TTC7A: variants seen among roughly 807,000 people sequenced by gnomAD.
TTC7A encodes tetratricopeptide repeat domain 7A, also known as tetratricopeptide repeat protein 7A.
A neutral mutation model predicts 103.7 loss-of-function variants in TTC7A; 110 were observed. The ratio of observed to expected loss-of-function variants is 1.06; its 90% CI spans 0.91 to 1.24. The LOEUF is 1.24. Ranked by LOEUF, TTC7A falls within the 50% of genes most tolerant of loss-of-function variation. The pLI is 0.00. For missense variants in TTC7A, 1,340 were observed against 1,116.3 expected (o/e 1.20, Z -2.86); for synonymous variants, 521 against 467.9 (o/e 1.11, Z -1.47).
chr2:46,917,734 A>G (rs1277483140), intron 2 of TTC7A, among the ~76,000 whole-genome samples: 2 of 152,140 alleles, frequency 1.3e-5, no homozygotes, highest in South Asian at 4.1e-4. Context: ...TGAAACTGCA[A>G]TCTCCATGCA....
intron 5 of TTC7A, among the ~76,000 whole-genome samples, chr2:46,980,570 G>A (rs1321583100): frequency 2.0e-5 from 3 of 152,020 alleles, no homozygotes; most frequent in East Asian, 1.9e-4. Flanking sequence ...GGTTTTTTCC[G>A]CGACTCACAA....
chr2:46,926,894 A>T (rs1355022167), intron 2 of TTC7A, among the ~76,000 whole-genome samples: 1 of 152,240 alleles, frequency 6.6e-6, no homozygotes, highest in Non-Finnish European at 1.5e-5. Flanking sequence ...AAATTTTCAC[A>T]TGGGAGCTAA....
At chr2:46,937,809 A>G (rs1300861499), upstream of TTC7A, among the ~76,000 whole-genome samples, 1 of 152,234 alleles carries the variant, frequency 6.6e-6, no homozygotes, top group Admixed American at 6.5e-5. The surrounding 1 kb of genome is among the most constrained non-coding windows in gnomAD (Gnocchi z 4.0). Context: ...AACGTTAGTC[A>G]AGGTCTTTTG....
At chr2:46,918,699 C>T (rs1274644635) in intron 2 of TTC7A, among the ~76,000 whole-genome samples, 1 of 152,194 alleles carries the variant, frequency 6.6e-6, no homozygotes, top group African/African-American at 2.4e-5. Context: ...CTTGCTGGAC[C>T]TTGGATATAG....
chr2:47,021,778 T>C, intron 11 of TTC7A, 84 bp from the exon 12 acceptor site: 1 of 1,073,654 alleles, frequency 9.3e-7, no homozygotes, highest in Non-Finnish European at 1.4e-6. Flanking sequence ...AAGGCTTCTG[T>C]TTCGGGAACA....
intron 4 of TTC7A, among the ~76,000 whole-genome samples, chr2:46,975,971 A>G (rs780890107): frequency 3.3e-4 from 50 of 152,286 alleles, no homozygotes; most frequent in South Asian, 1.7e-3. Flanking sequence ...TCCTGACCTC[A>G]GGTGATCCAC....
At chr2:47,002,647 C>T (rs1255936401) in intron 8 of TTC7A, among the ~76,000 whole-genome samples, 1 of 152,042 alleles carries the variant, frequency 6.6e-6, no homozygotes, top group Admixed American at 6.5e-5. Context: ...GAGGCCCTGG[C>T]CTCAGAGGCT....
chr2:46,964,019 A>T (rs1442300273), intron 3 of TTC7A, among the ~76,000 whole-genome samples: 4 of 152,238 alleles, frequency 2.6e-5, no homozygotes, highest in African/African-American at 9.6e-5. Context: ...GGTAAAAGGC[A>T]TGGAGGCAGA....
intron 18 of TTC7A, among the ~76,000 whole-genome samples, chr2:47,060,198 C>T (rs982027318): frequency 6.6e-6 from 1 of 151,824 alleles, no homozygotes; most frequent in South Asian, 2.1e-4. Context: ...CCAGCCTGAG[C>T]CCCTCTACCA....
chr2:46,974,733 G>A (rs1217643692), intron 3 of TTC7A: 7 of 596,122 alleles, frequency 1.2e-5, no homozygotes, highest in African/African-American at 1.8e-5. Flanking sequence ...TGGCTTCCCC[G>A]GGTAGTTGGG....
chr2:46,975,840 G>A (rs1036821874), intron 4 of TTC7A, among the ~76,000 whole-genome samples: 6 of 151,994 alleles, frequency 3.9e-5, no homozygotes, highest in African/African-American at 9.7e-5. Flanking sequence ...GGGTTCAAGC[G>A]ATTCTTCTGC....
chr2:46,944,078 A>C (rs1670707178), intron 1 of TTC7A, among the ~76,000 whole-genome samples: 1 of 151,982 alleles, frequency 6.6e-6, no homozygotes, highest in South Asian at 2.1e-4. Flanking sequence ...CTGTCTCCTC[A>C]CTCACATCCG....
chr2:47,026,415 G>A (rs1484447124), intron 14 of TTC7A, among the ~76,000 whole-genome samples: 2 of 152,142 alleles, frequency 1.3e-5, no homozygotes, highest in Non-Finnish European at 2.9e-5. Flanking sequence ...GGAGAACTCC[G>A]GGCCTGGCAC....
chr2:46,968,934 G>GT (rs34000426), intron 3 of TTC7A, among the ~76,000 whole-genome samples: 191 of 140,610 alleles, frequency 1.4e-3, no homozygotes, highest in South Asian at 1.8e-3. Flanking sequence ...TTGTTTTTGT[G>GT]TTTTTTTTTT....
At position 46,993,538 on chromosome 2, in the gene TTC7A, G is replaced by A. The variant is rs369535348; in HGVS notation, c.843+10G>A. ...TCAGAACTTCAAAGTGGTAATGTGGGGTGCTGGCAGTGCTGGCTTATTTAG... is the reference window on the plus strand; with the variant it reads ...TCAGAACTTCAAAGTGGTAATGTGGAGTGCTGGCAGTGCTGGCTTATTTAG... On this transcript the variant is annotated intron_variant, in intron 6 of 19. Coordinates refer to ENST00000319190, the MANE Select transcript of TTC7A (RefSeq NM_020458.4). 2.5e-5 allele frequency: 41 copies of A among 1,613,788 alleles called. No homozygotes were observed. In the African/African-American group the frequency reaches 4.3e-4, roughly 17 times the overall value.
intron 10 of TTC7A, among the ~76,000 whole-genome samples, chr2:47,010,694 ATTTGTTTG>A (rs374968542): frequency 7.9e-5 from 12 of 151,532 alleles, no homozygotes; most frequent in African/African-American, 2.2e-4. Context: ...GTCCTTATTT[ATTTGTTTG>A]TTTGTTTGTT....
Position 46,929,314 on chromosome 2 carries a change from A to G in TTC7A, c.82+12037A>G, listed in dbSNP as rs941998910. On this transcript the variant is annotated intron_variant, in intron 2 of 20. Transcript: ENST00000409245. ...AGCCTGGTCAACATAGCCAGACCCC[A>G]TGTCTATAGGAAAAATTTAAAAACT... Among the ~76,000 whole-genome samples the G allele has an allele frequency of 2.6e-5, 4 of 152,080 alleles. 1 individual carries two copies. The highest frequency in any genetic ancestry group is 4.2e-4 in the South Asian group (2 of 4,818).
At chr2:46,999,543 A>G (rs911344596) in intron 8 of TTC7A, 2 of 985,412 alleles carry the variant, frequency 2.0e-6, no homozygotes, top group Non-Finnish European at 2.4e-6. Context: ...TAACAGTTCA[A>G]TCATAGTTCC....
chr2:46,995,713 A>G (rs551959763), intron 8 of TTC7A, among the ~76,000 whole-genome samples: 22 of 152,336 alleles, frequency 1.4e-4, no homozygotes, highest in African/African-American at 5.3e-4. Flanking sequence ...AAGTGTGCCT[A>G]TGGAAGGAGT....
Sources: gnomAD v4.1 joint callset for allele counts (sites outside exome capture counted in the v4.1 genomes callset) on GRCh38, gnomAD v4.1.1 for gene constraint, Gnocchi (gnomAD v3.1) non-coding constraint, MANE v1.5 for transcripts, NCBI Gene and HGNC (gene_info 2026-07-23, HGNC 2026-07-21) for gene names.